The following GAS2 variants were observed in gnomAD, a reference collection of about 807,000 sequenced individuals.
The protein encoded by GAS2 is growth arrest-specific protein 2.
In GAS2, 20 loss-of-function variants were observed where a neutral mutation model predicts 37.5. That is an observed-to-expected ratio of 0.53 (90% confidence interval 0.37 to 0.77). The LOEUF (loss-of-function observed/expected upper bound fraction) is 0.77. Ranked by LOEUF, GAS2 falls within the 30% of genes least tolerant of loss-of-function variation. The probability of loss-of-function intolerance (pLI) is 0.00; values close to 1 mark genes in which losing one functional copy is unlikely to be tolerated. For synonymous variants in GAS2, 144 were observed against 132.2 expected (o/e 1.09, Z -0.61); for missense variants, 336 against 373.4 (o/e 0.90, Z 0.82).
At chr11:22,724,319 A>G (rs1355833367) in intron 3 of GAS2, among the ~76,000 whole-genome samples, 1 of 151,876 alleles carries the variant, frequency 6.6e-6, no homozygotes, top group Non-Finnish European at 1.5e-5. Context: ...GTTTCATTGT[A>G]TTTATGTATT....
chr11:22,665,607 G>A (rs1461209082), upstream of GAS2, among the ~76,000 whole-genome samples: 3 of 152,130 alleles, frequency 2.0e-5, no homozygotes, highest in Admixed American at 1.3e-4. Context: ...CCTGATAGCT[G>A]CAAAAGCAAA....
intron 7 of GAS2, among the ~76,000 whole-genome samples, chr11:22,767,082 G>C (rs1399414353): frequency 6.6e-6 from 1 of 152,006 alleles, no homozygotes; most frequent in Non-Finnish European, 1.5e-5. Flanking sequence ...TTTCTTGATA[G>C]CAGTACGGAT....
intron 6 of GAS2, among the ~76,000 whole-genome samples, 189 bp downstream of exon 6, chr11:22,749,450 A>C (rs553830650): frequency 6.6e-6 from 1 of 152,152 alleles, no homozygotes; most frequent in African/African-American, 2.4e-5. Flanking sequence ...TAGTTGTTCA[A>C]AATAAAGTGT....
Position 22,690,151 on chromosome 11 carries a change from A to AT in GAS2, c.267+4362_267+4363insT, listed in dbSNP as rs1447068656. On this transcript the variant is annotated intron_variant, in intron 3 of 7. Transcript: ENST00000454584. ...ACAGCTGTGTAAACAAATTTGAACGAGTAAGTTATGCCTGGTATGTGTGAA... is the reference window on the plus strand; with the variant it reads ...ACAGCTGTGTAAACAAATTTGAACGATGTAAGTTATGCCTGGTATGTGTGAA... Among the ~76,000 whole-genome samples, 3 of 152,176 alleles carry AT rather than the reference A, an allele frequency of 2.0e-5. No individual in the cohort carries two copies. In the East Asian group the frequency reaches 5.8e-4, roughly 29 times the overall value.
intron 1 of GAS2, among the ~76,000 whole-genome samples, chr11:22,643,680 T>C (rs546048897): frequency 2.0e-5 from 3 of 152,208 alleles, no homozygotes; most frequent in African/African-American, 7.2e-5. Flanking sequence ...GATGATTTTT[T>C]TCTAATGTTC....
intron 3 of GAS2, among the ~76,000 whole-genome samples, chr11:22,718,258 CAT>C (rs771925337): frequency 5.1e-4 from 77 of 149,520 alleles, no homozygotes; most frequent in African/African-American, 1.5e-3. Flanking sequence ...GAAAATGTGT[CAT>C]ATATATATAT....
chr11:22,651,180 C>G (rs1052536533), intron 1 of GAS2, among the ~76,000 whole-genome samples: 5 of 151,336 alleles, frequency 3.3e-5, no homozygotes, highest in Admixed American at 2.0e-4. Flanking sequence ...ACTTATGAAG[C>G]TTAGTTTGGC....
Position 22,674,781 on chromosome 11 carries a change from T to A in GAS2, c.-20-69T>A. The A allele has an allele frequency of 2.5e-6, 3 of 1,219,256 alleles. No homozygotes were observed. In the South Asian group the frequency reaches 4.8e-5, roughly 19 times the overall value. The allele number at this position is 1,219,256 out of a possible 1,614,324, so 75.5% of individuals were successfully genotyped here. On this transcript the variant is annotated intron_variant, in intron 1 of 7. Transcript: ENST00000454584. The stretch of plus-strand genomic sequence containing the variant: ...AACCCGCGGATCCAGTTCATTATAA[T>A]GTCATGATGACAACATTTTGTGAGA...
At chr11:22,710,598 G>A (rs1449537733) in intron 3 of GAS2, among the ~76,000 whole-genome samples, 8 of 151,796 alleles carry the variant, frequency 5.3e-5, no homozygotes, top group Middle Eastern at 3.4e-3. Flanking sequence ...GCACATTCTC[G>A]AAAATATAAC....
At chr11:22,704,588 C>CATTATATATATATAT (rs1851007531) in intron 3 of GAS2, among the ~76,000 whole-genome samples, 3 of 90,506 alleles carry the variant, frequency 3.3e-5, no homozygotes, top group African/African-American at 1.3e-4. Flanking sequence ...TGAAAATAAA[C>CATTATATATATATAT]ATATATATAT....
At chr11:22,684,866 C>T (rs395810) in intron 2 of GAS2, among the ~76,000 whole-genome samples, 4 of 152,136 alleles carry the variant, frequency 2.6e-5, no homozygotes, top group South Asian at 2.1e-4. Flanking sequence ...TACTGTGCCC[C>T]GCCTACCTGT....
At chr11:22,703,208 T>A (rs1382429795) in intron 3 of GAS2, among the ~76,000 whole-genome samples, 1 of 152,146 alleles carries the variant, frequency 6.6e-6, no homozygotes, top group Non-Finnish European at 1.5e-5. Context: ...TTTTCCATGA[T>A]GACATCATCC....
At chr11:22,765,248 G>A (rs6483877) in intron 7 of GAS2, among the ~76,000 whole-genome samples, 145,574 of 152,218 alleles carry the variant, frequency 0.96, 69,919 homozygotes, top group East Asian at 1. Flanking sequence ...CTCCATACAC[G>A]TACAAAAAAT....
Position 22,636,862 on chromosome 11 carries a change from CATT to C in GAS2, c.-21+11053_-21+11055del, listed in dbSNP as rs1210878283. Among the ~76,000 whole-genome samples the C allele has an allele frequency of 2.1e-5, 3 of 145,044 alleles. No homozygotes were observed. The South Asian group carries it at 6.5e-4, about 32-fold the overall frequency. On this transcript the variant is annotated intron_variant, in intron 1 of 5. Transcript: ENST00000528582. ...CTAGTAAGTATATACAAATATATAACATTATTTTAAATGAAAATTTATATTACC... is the reference window on the plus strand; with the variant it reads ...CTAGTAAGTATATACAAATATATAACATTTTAAATGAAAATTTATATTACC...
At chr11:22,712,703 C>T (rs1173877705) in intron 3 of GAS2, among the ~76,000 whole-genome samples, 1 of 152,162 alleles carries the variant, frequency 6.6e-6, no homozygotes, top group Non-Finnish European at 1.5e-5. Context: ...CAAGAAATTT[C>T]TGAAATGCCA....
At chr11:22,809,343 G>C (rs762457054) in intron 7 of GAS2, among the ~76,000 whole-genome samples, 2 of 152,020 alleles carry the variant, frequency 1.3e-5, no homozygotes, top group Non-Finnish European at 2.9e-5. Flanking sequence ...TTTTAGGGAG[G>C]GGCAAGGAGT....
At chr11:22,719,790 G>A (rs1417740365) in intron 3 of GAS2, among the ~76,000 whole-genome samples, 1 of 151,984 alleles carries the variant, frequency 6.6e-6, no homozygotes, top group Non-Finnish European at 1.5e-5. Flanking sequence ...TTCATGACTT[G>A]ATAGCTCTTT....
At chr11:22,789,333 AAC>A (rs1157753522) in intron 7 of GAS2, among the ~76,000 whole-genome samples, 45 of 87,676 alleles carry the variant, frequency 5.1e-4, no homozygotes, top group East Asian at 4.0e-3. Context: ...CACACACACA[AAC>A]ACACACACAC....
In GAS2 at chr11:22,658,482, C is replaced by G. The variant is rs1316796658; in HGVS notation, c.-20-16368C>G. On this transcript the variant is annotated intron_variant, in intron 1 of 5. Coordinates refer to the GAS2 transcript ENST00000528582. ...TCATTCCACTGAACATGAGACAAAACAAAACAAAGCAAAACAACTTCTTCC... is the reference window on the plus strand; with the variant it reads ...TCATTCCACTGAACATGAGACAAAAGAAAACAAAGCAAAACAACTTCTTCC... 2.6e-5 allele frequency among the ~76,000 whole-genome samples: 4 copies of G among 152,056 alleles called. 1 individual carries two copies. Among genetic ancestry groups the G allele is most frequent in the African/African-American group, 9.7e-5 (4 of 41,408 alleles).
Sources: allele counts gnomAD v4.1 joint callset (sites outside exome capture counted in the v4.1 genomes callset), GRCh38; gene constraint gnomAD v4.1.1; transcripts MANE v1.5; gene names NCBI Gene and HGNC (gene_info 2026-07-23, HGNC 2026-07-21).